TASP1: variants seen among roughly 807,000 people sequenced by gnomAD.
TASP1 encodes taspase 1.
TASP1 carries 16 observed loss-of-function variants against 56.6 expected under a neutral mutation model. The ratio of observed to expected loss-of-function variants is 0.28; its 90% CI spans 0.19 to 0.43. TASP1 has a LOEUF of 0.43. Ranked by LOEUF, TASP1 falls within the 20% of genes least tolerant of loss-of-function variation. The probability of loss-of-function intolerance (pLI) is 1.00; values close to 1 mark genes in which losing one functional copy is unlikely to be tolerated. For missense variants in TASP1, 393 were observed against 511.6 expected (o/e 0.77, Z 2.24); for synonymous variants, 179 against 184.2 (o/e 0.97, Z 0.23).
chr20:13,485,797 T>C (rs140155376), intron 10 of TASP1, among the ~76,000 whole-genome samples: 1 of 152,320 alleles, frequency 6.6e-6, no homozygotes, highest in East Asian at 1.9e-4. Flanking sequence ...ACATACTTGA[T>C]GTTGAACAGT....
chr20:13,158,716 C>A, the TASP1 span, among the ~76,000 whole-genome samples: 2 of 152,172 alleles, frequency 1.3e-5, no homozygotes, highest in Admixed American at 1.3e-4. Flanking sequence ...AATGTTGCCT[C>A]GCCCAAGCCA....
chr20:13,494,221 C>T (rs1157763021), intron 10 of TASP1, among the ~76,000 whole-genome samples: 2 of 152,132 alleles, frequency 1.3e-5, no homozygotes, highest in Non-Finnish European at 2.9e-5. Context: ...GGCTGTAGAA[C>T]CTGAAATGAG....
the TASP1 span, among the ~76,000 whole-genome samples, chr20:13,228,108 G>A: frequency 6.6e-6 from 1 of 151,738 alleles, no homozygotes; most frequent in Non-Finnish European, 1.5e-5. Flanking sequence ...AAATAGCTGG[G>A]ATTACAGGTA....
the TASP1 span, among the ~76,000 whole-genome samples, chr20:13,116,351 T>G: frequency 6.6e-6 from 1 of 152,236 alleles, no homozygotes; most frequent in Non-Finnish European, 1.5e-5. Flanking sequence ...TTCCTTTGTG[T>G]GGTGAGTGTG....
At chr20:13,423,290 C>CA (rs1045202507) in intron 12 of TASP1, among the ~76,000 whole-genome samples, 11 of 151,618 alleles carry the variant, frequency 7.3e-5, no homozygotes, top group East Asian at 3.9e-4. Flanking sequence ...CAAACAACAA[C>CA]AAAAAAAACC....
chr20:13,131,616 CCACA>C, the TASP1 span, among the ~76,000 whole-genome samples: 1 of 152,264 alleles, frequency 6.6e-6, no homozygotes, highest in South Asian at 2.1e-4. Flanking sequence ...TTAGCAACTC[CCACA>C]CACTCTACTT....
At chr20:13,269,501 C>A in the TASP1 span, among the ~76,000 whole-genome samples, 1 of 152,012 alleles carries the variant, frequency 6.6e-6, no homozygotes, top group Non-Finnish European at 1.5e-5. Flanking sequence ...ACCTATGGTT[C>A]TTCCCTCCTT....
chr20:13,587,920 G>T (rs902032270), intron 4 of TASP1, among the ~76,000 whole-genome samples: 4 of 152,168 alleles, frequency 2.6e-5, no homozygotes, highest in East Asian at 1.9e-4. Context: ...GAGCCTAGCT[G>T]TTCAAGACCA....
At chr20:13,193,924 C>T in the TASP1 span, among the ~76,000 whole-genome samples, 1 of 151,974 alleles carries the variant, frequency 6.6e-6, no homozygotes, top group Non-Finnish European at 1.5e-5. Context: ...TCTTATTGGC[C>T]AGAACTATGT....
the TASP1 span, among the ~76,000 whole-genome samples, chr20:13,364,657 T>C: frequency 6.6e-6 from 1 of 152,036 alleles, no homozygotes. Flanking sequence ...TGGGTCAACT[T>C]GGTATCTCCC....
chr20:13,341,484 G>A, the TASP1 span, among the ~76,000 whole-genome samples: 17 of 152,184 alleles, frequency 1.1e-4, no homozygotes, highest in Admixed American at 2.0e-4. Context: ...TGAGGGTAAC[G>A]TAGTCACAAT....
Position 13,543,812 on chromosome 20 carries a change from C to T in TASP1, c.676-9671G>A, listed in dbSNP as rs552246146. Reference sequence around the variant, plus strand: ...AATTGAATCTCATCAATAACTCAAACTTTGTTCCTTCTGAAACTGCATCTT... The same window carrying T: ...AATTGAATCTCATCAATAACTCAAATTTTGTTCCTTCTGAAACTGCATCTT... On this transcript the variant is annotated intron_variant, in intron 8 of 13. Coordinates refer to ENST00000337743, the MANE Select transcript of TASP1 (RefSeq NM_017714.3). Among the ~76,000 whole-genome samples the T allele has an allele frequency of 3.3e-5, 5 of 152,280 alleles. No homozygotes were observed. The East Asian group carries it at 9.6e-4, about 29-fold the overall frequency.
At chr20:13,313,259 C>T in the TASP1 span, among the ~76,000 whole-genome samples, 1 of 152,230 alleles carries the variant, frequency 6.6e-6, no homozygotes, top group Non-Finnish European at 1.5e-5. Flanking sequence ...CCACACGCAC[C>T]TGTTAAGTTT....
intron 11 of TASP1, among the ~76,000 whole-genome samples, chr20:13,436,345 G>GT (rs1451891941): frequency 4.2e-5 from 6 of 141,862 alleles, no homozygotes; most frequent in African/African-American, 1.4e-4. Flanking sequence ...TTAAAGGGTT[G>GT]TTTTAAAAAA....
At chr20:13,565,210 A>AC (rs2046484980) in intron 7 of TASP1, among the ~76,000 whole-genome samples, 1 of 152,100 alleles carries the variant, frequency 6.6e-6, no homozygotes, top group African/African-American at 2.4e-5. Flanking sequence ...ATGTAGTTAG[A>AC]CCCCCACTTT....
At chr20:13,229,428 C>G in the TASP1 span, among the ~76,000 whole-genome samples, 1 of 152,144 alleles carries the variant, frequency 6.6e-6, no homozygotes, top group South Asian at 2.1e-4. Flanking sequence ...GTACTTTTTG[C>G]ATTTTTCCAT....
the TASP1 span, among the ~76,000 whole-genome samples, chr20:13,382,159 G>A: frequency 6.6e-6 from 1 of 152,186 alleles, no homozygotes; most frequent in Non-Finnish European, 1.5e-5. Context: ...GGAAGTTGGG[G>A]GGCAGGGAGT....
the TASP1 span, among the ~76,000 whole-genome samples, chr20:13,204,305 T>G: frequency 6.6e-6 from 1 of 152,108 alleles, no homozygotes; most frequent in East Asian, 1.9e-4. Context: ...CTGAGCCACT[T>G]TTATTCAATT....
the TASP1 span, among the ~76,000 whole-genome samples, chr20:13,364,527 G>A: frequency 6.6e-6 from 1 of 152,122 alleles, no homozygotes; most frequent in East Asian, 1.9e-4. Flanking sequence ...TGTCCCCATA[G>A]TGACCAAAGA....
Sources: gnomAD v4.1 joint callset for allele counts (sites outside exome capture counted in the v4.1 genomes callset) on GRCh38, gnomAD v4.1.1 for gene constraint, MANE v1.5 for transcripts, NCBI Gene and HGNC (gene_info 2026-07-23, HGNC 2026-07-21) for gene names.